Variants in KHDRBS3 observed in about 807,000 individuals in gnomAD.
The protein encoded by KHDRBS3 is KH domain-containing, RNA-binding, signal transduction-associated protein 3.
Under a neutral mutation model 45.6 loss-of-function variants are expected in KHDRBS3, and 23 were observed. That is an observed-to-expected ratio of 0.50 (90% CI 0.36 to 0.72). The LOEUF is 0.72. KHDRBS3 is among the 30% of genes least tolerant of loss of function. The probability of loss-of-function intolerance (pLI) is 0.00; values close to 1 mark genes in which losing one functional copy is unlikely to be tolerated. For synonymous variants in KHDRBS3, 162 were observed against 156.5 expected (o/e 1.04, Z -0.26); for missense variants, 352 against 424.8 (o/e 0.83, Z 1.51).
In KHDRBS3 at chr8:135,645,042, G is replaced by T; in HGVS notation, c.891-17G>T. ...GCCAGATGATTTTGTCCTTTGTTTT[G>T]TTTTGATCACTTGCAGTGGTGCTGA... On this transcript the variant is annotated splice_polypyrimidine_tract_variant and intron_variant, in intron 7 of 8. Transcript: ENST00000355849. The T allele has an allele frequency of 1.9e-6, 3 of 1,611,838 alleles. No homozygotes were observed. The highest frequency in any genetic ancestry group is 2.5e-6 in the Non-Finnish European group (3 of 1,179,734).
intron 1 of KHDRBS3, among the ~76,000 whole-genome samples, chr8:135,470,734 C>T (rs1168919655): frequency 1.3e-5 from 2 of 151,922 alleles, no homozygotes; most frequent in African/African-American, 2.4e-5. Context: ...TACAGGTGCC[C>T]GCCAGCACAC....
chr8:135,619,004 A>G (rs1439729763), intron 7 of KHDRBS3, among the ~76,000 whole-genome samples: 1 of 152,192 alleles, frequency 6.6e-6, no homozygotes, highest in East Asian at 1.9e-4. Context: ...AGCTCACCTC[A>G]TATCTGCTCA....
At chr8:135,611,793 A>G (rs1829717026) in intron 7 of KHDRBS3, among the ~76,000 whole-genome samples, 1 of 151,912 alleles carries the variant, frequency 6.6e-6, no homozygotes, top group African/African-American at 2.4e-5. Flanking sequence ...TATGAGTTTC[A>G]GAAGGCAAGG....
chr8:135,525,341 T>C (rs1825127245), intron 2 of KHDRBS3, among the ~76,000 whole-genome samples: 1 of 152,128 alleles, frequency 6.6e-6, no homozygotes, highest in African/African-American at 2.4e-5. Context: ...TACATAATAT[T>C]TGGTTATCTG....
chr8:135,556,870 A>T (rs954688537), intron 4 of KHDRBS3, among the ~76,000 whole-genome samples: 8 of 152,286 alleles, frequency 5.3e-5, no homozygotes, highest in Admixed American at 3.3e-4. Context: ...GAAAGAGCAA[A>T]TTTTCAGGAA....
At chr8:135,471,983 G>T (rs374245795) in intron 1 of KHDRBS3, among the ~76,000 whole-genome samples, 1 of 152,192 alleles carries the variant, frequency 6.6e-6, no homozygotes, top group Non-Finnish European at 1.5e-5. Context: ...AGTGCTCAGC[G>T]TGGTGCCTGG....
intron 1 of KHDRBS3, among the ~76,000 whole-genome samples, chr8:135,466,885 C>A (rs1382645603): frequency 6.6e-6 from 1 of 152,220 alleles, no homozygotes; most frequent in Non-Finnish European, 1.5e-5. Flanking sequence ...GTGTTCTGGA[C>A]CATGACTTTA....
chr8:135,518,922 C>T (rs140773610), intron 1 of KHDRBS3, among the ~76,000 whole-genome samples: 2 of 152,208 alleles, frequency 1.3e-5, no homozygotes, highest in East Asian at 3.9e-4. Flanking sequence ...TAAATTGTTA[C>T]CATGTTCATG....
intron 8 of KHDRBS3, 21 bp downstream of exon 8, chr8:135,645,138 T>A (rs750183092): frequency 3.1e-6 from 5 of 1,612,686 alleles, no homozygotes; most frequent in Non-Finnish European, 4.2e-6. Flanking sequence ...GGCCAGAGCA[T>A]GTGAAGAGAG....
chr8:135,557,760 G>C (rs1224961310), intron 5 of KHDRBS3, among the ~76,000 whole-genome samples, 173 bp downstream of exon 5: 2 of 152,130 alleles, frequency 1.3e-5, no homozygotes, highest in Non-Finnish European at 2.9e-5. Flanking sequence ...TCGAGGCCAT[G>C]GTATGCTACG....
chr8:135,539,884 A>G (rs576053677), intron 2 of KHDRBS3: 1 of 152,250 alleles, frequency 6.6e-6, no homozygotes, highest in East Asian at 1.9e-4. Context: ...CCCTAAAGGT[A>G]TATAAAAGTC....
chr8:135,564,514 G>T (rs1827310587), intron 5 of KHDRBS3, among the ~76,000 whole-genome samples: 1 of 152,110 alleles, frequency 6.6e-6, no homozygotes, highest in South Asian at 2.1e-4. Flanking sequence ...GTTCCTTATT[G>T]GTTTGGCCTG....
Position 135,611,142 on chromosome 8 carries a change from C to T in KHDRBS3, c.890+4105C>T, listed in dbSNP as rs1829690625. Reference sequence around the variant, plus strand: ...CTTTGAAGTGATCTTTTCTGTGCTACAACTTGTCTTACCTGAAGGAGTACA... The same window carrying T: ...CTTTGAAGTGATCTTTTCTGTGCTATAACTTGTCTTACCTGAAGGAGTACA... On this transcript the variant is annotated intron_variant, in intron 7 of 8. Transcript: ENST00000355849. Among the ~76,000 whole-genome samples the T allele has an allele frequency of 2.6e-5, 4 of 151,856 alleles. No homozygotes were observed. In the South Asian group the frequency reaches 8.3e-4, roughly 31 times the overall value.
rs564897111 is a variant in KHDRBS3 at position 135,596,631 on chromosome 8, G to A, written c.808-10324G>A. On this transcript the variant is annotated intron_variant, in intron 6 of 8. Coordinates refer to ENST00000355849, the MANE Select transcript of KHDRBS3 (RefSeq NM_006558.3). Reference sequence around the variant, plus strand: ...AGGTACTATAATAAACTAAGGAAAAGTACAGAAGCAGACACAGTGGATTCA... The same window carrying A: ...AGGTACTATAATAAACTAAGGAAAAATACAGAAGCAGACACAGTGGATTCA... 7.2e-5 allele frequency among the ~76,000 whole-genome samples: 11 copies of A among 152,226 alleles called. No individual in the cohort carries two copies. The South Asian group carries it at 2.1e-3, about 29-fold the overall frequency.
chr8:135,542,102 T>G (rs918471292), intron 2 of KHDRBS3: 3 of 152,218 alleles, frequency 2.0e-5, no homozygotes, highest in Admixed American at 6.6e-5. Flanking sequence ...TTAAATAAAT[T>G]GCCCACATTC....
intron 1 of KHDRBS3, among the ~76,000 whole-genome samples, chr8:135,502,874 G>T (rs1463236503): frequency 6.6e-6 from 1 of 152,090 alleles, no homozygotes; most frequent in Non-Finnish European, 1.5e-5. Context: ...TATTCTAGAT[G>T]TATTCTGTAG....
chr8:135,637,396 T>C (rs1830858687), intron 7 of KHDRBS3, among the ~76,000 whole-genome samples: 1 of 152,222 alleles, frequency 6.6e-6, no homozygotes, highest in Admixed American at 6.5e-5. Flanking sequence ...AGCAATTACC[T>C]GGATTATGCA....
intron 7 of KHDRBS3, among the ~76,000 whole-genome samples, chr8:135,615,777 T>TAA (rs1238268242): frequency 6.6e-6 from 1 of 152,204 alleles, no homozygotes; most frequent in Non-Finnish European, 1.5e-5. Context: ...AGATGGCAAG[T>TAA]ATACTGCATA....
rs901182607 is a variant in KHDRBS3 at position 135,498,517 on chromosome 8, C to A, written c.89-22720C>A. Among the ~76,000 whole-genome samples the A allele has an allele frequency of 2.8e-4, 42 of 152,182 alleles. 1 individual carries two copies. The highest frequency in any genetic ancestry group is 4.4e-5 in the Non-Finnish European group (3 of 68,032). ...CACACCTGTTCAGAACATTCATTAA[C>A]CTTTGCTGTAATTGTCTCCCTAATG... On this transcript the variant is annotated intron_variant, in intron 1 of 8. Coordinates refer to ENST00000355849, the MANE Select transcript of KHDRBS3 (RefSeq NM_006558.3).
Sources: allele counts gnomAD v4.1 joint callset (sites outside exome capture counted in the v4.1 genomes callset), GRCh38; gene constraint gnomAD v4.1.1; transcripts MANE v1.5; gene names NCBI Gene and HGNC (gene_info 2026-07-23, HGNC 2026-07-21).